TPD52L3: variants seen among roughly 807,000 people sequenced by gnomAD.
TPD52L3 encodes the protein TPD52 like 3.
A neutral mutation model predicts 8.7 loss-of-function variants in TPD52L3; 12 were observed. The ratio of observed to expected loss-of-function variants is 1.38; its 90% confidence interval spans 0.89 to 2.24. TPD52L3 has a LOEUF of 2.24. Among genes scored for constraint, TPD52L3 ranks in the 30% most tolerant of loss-of-function variants. The probability of loss-of-function intolerance (pLI) is 0.00; values close to 1 mark genes in which losing one functional copy is unlikely to be tolerated. For missense variants in TPD52L3, 207 were observed against 158.7 expected (o/e 1.30, Z -1.64); for synonymous variants, 79 against 66.8 (o/e 1.18, Z -0.89).
At chr9:6,330,750 C>A in intron 1 of TPD52L3, 1 of 1,300,942 alleles carries the variant, frequency 7.7e-7, no homozygotes, top group Non-Finnish European at 9.8e-7. Context: ...CTGCAGCATA[C>A]AAGAAATGAA....
chr9:6,330,389 C>A, intron 1 of TPD52L3: 1 of 1,418,482 alleles, frequency 7.0e-7, no homozygotes, highest in Admixed American at 3.0e-5. Flanking sequence ...AAGTTTGCAT[C>A]TTATTGGCTG....
intron 1 of TPD52L3, chr9:6,330,676 G>A (rs1164378136): frequency 1.1e-5 from 13 of 1,209,968 alleles, no homozygotes; most frequent in Admixed American, 4.2e-5. Context: ...TTGCATGTTC[G>A]ATTTTTAATT....
chr9:6,328,704 AC>A lies in TPD52L3; in HGVS notation c.110del (p.Thr37IlefsTer8), dbSNP rs771189838. The A allele has an allele frequency of 4.3e-6, 7 of 1,614,012 alleles. No homozygotes were observed. In the African/African-American group the frequency reaches 9.3e-5, roughly 22 times the overall value. On this transcript the variant is annotated frameshift_variant, in exon 1 of 2. Coordinates refer to ENST00000314556, the MANE Select transcript of TPD52L3 (RefSeq NM_001001874.3). LOFTEE classifies it high-confidence loss of function. ...GCAAAGAGAGCTCAAAACCAAACTC[AC>A]TAAATTGGAGGCTGAAATTGTAACC... is the stretch of plus-strand genomic sequence containing the variant. ...PEQRELKTKL[T>X]KLEAEIVTLR...
rs1049483732 is a variant in TPD52L3 at position 6,331,348 on chromosome 9, T to G, written c.*329T>G. 3 of 196,932 alleles carry G rather than the reference T, an allele frequency of 1.5e-5. No homozygotes were observed. Among genetic ancestry groups the G allele is most frequent in the Non-Finnish European group, 3.1e-5 (3 of 97,694 alleles). The allele number at this position is 196,932 out of a possible 1,614,324, so 12.2% of individuals were successfully genotyped here. ...AAGACTTTAGAGAGACAGAAAGTCT[T>G]AGAGGACTAGGAGAAGTTTGCCAGA... On this transcript the variant is annotated 3_prime_UTR_variant, in exon 2 of 2. Transcript: ENST00000314556.
Position 6,331,130 on chromosome 9 carries a change from A to T in TPD52L3, c.*111A>T. On this transcript the variant is annotated 3_prime_UTR_variant, in exon 2 of 2. Coordinates refer to ENST00000314556, the MANE Select transcript of TPD52L3 (RefSeq NM_001001874.3). ...AAAAATATCGTGTTTATTCAAAGCC[A>T]ATCTGAGACCCTACTCTGTATCAAG... 1 of 1,133,892 alleles carries T rather than the reference A, an allele frequency of 8.8e-7. No homozygotes were observed. The highest frequency in any genetic ancestry group is 1.3e-6 in the Non-Finnish European group (1 of 772,936). The allele number at this position is 1,133,892 out of a possible 1,614,324, so 70.2% of individuals were successfully genotyped here. A position where few individuals can be genotyped will look rare whatever the true frequency, so the allele number is the denominator to read the frequency against.
rs764590794 is a variant in TPD52L3, at chr9:6,331,139, C to A, written c.*120C>A. On this transcript the variant is annotated 3_prime_UTR_variant, in exon 2 of 2. Transcript: ENST00000314556. Reference sequence around the variant, plus strand: ...GTGTTTATTCAAAGCCAATCTGAGACCCTACTCTGTATCAAGAACTGTCCC... The same window carrying A: ...GTGTTTATTCAAAGCCAATCTGAGAACCTACTCTGTATCAAGAACTGTCCC... The A allele has an allele frequency of 2.5e-5, 26 of 1,048,774 alleles. No homozygotes were observed. Among genetic ancestry groups the A allele is most frequent in the Non-Finnish European group, 3.3e-5 (23 of 707,334 alleles). 65.0% of individuals were successfully genotyped at this position (1,048,774 alleles called of 1,614,324 possible). A position where few individuals can be genotyped will look rare whatever the true frequency, so the allele number is the denominator to read the frequency against.
chr9:6,330,452 A>G, intron 1 of TPD52L3: 2 of 1,326,238 alleles, frequency 1.5e-6, no homozygotes, highest in East Asian at 2.9e-5. Flanking sequence ...CTCACTGCCT[A>G]AAATGGTAAT....
At chr9:6,329,543 G>C in intron 1 of TPD52L3, 1 of 1,006,266 alleles carries the variant, frequency 9.9e-7, no homozygotes, top group African/African-American at 1.7e-5. Context: ...GCTTGAAAGA[G>C]GTATGAAGTA....
chr9:6,328,628 C>G lies in TPD52L3; in HGVS notation c.33C>G (p.Gly11=). The G allele has an allele frequency of 6.2e-7, 1 of 1,613,974 alleles. No homozygotes were observed. Among genetic ancestry groups the G allele is most frequent in the Non-Finnish European group, 8.5e-7 (1 of 1,180,032 alleles). ...ATGCCAGGACAGAGACCTCTGTGGG[C>G]ACATATGAATCCCACTCGACTTCTG... MPHARTETSV[G]TYESHSTSEL... The change falls in exon 1 of 2, where the codon GGC becomes GGG. Residue 11 remains glycine, a synonymous_variant. Coordinates refer to ENST00000314556, the MANE Select transcript of TPD52L3 (RefSeq NM_001001874.3).
intron 1 of TPD52L3, chr9:6,330,296 TTTTG>T: frequency 6.3e-7 from 1 of 1,577,928 alleles, no homozygotes; most frequent in Non-Finnish European, 8.6e-7. Flanking sequence ...CGAATATACT[TTTTG>T]TTTGTTTTCC....
chr9:6,329,567 T>C (rs1337487281), intron 1 of TPD52L3: 13 of 1,002,126 alleles, frequency 1.3e-5, no homozygotes, highest in Non-Finnish European at 1.4e-5. Context: ...TGTAGTGTTT[T>C]TTTGGTTTGT....
chr9:6,329,302 C>T (rs888387479), intron 1 of TPD52L3: 22 of 1,214,642 alleles, frequency 1.8e-5, no homozygotes, highest in Non-Finnish European at 2.2e-5. Flanking sequence ...TTGACAGAAT[C>T]CAGTTTTGAG....
Position 6,328,887 on chromosome 9 carries a change from C to T in TPD52L3, c.292C>T (p.Leu98=). The change falls in exon 1 of 2, where the codon CTG becomes TTG. Residue 98 remains leucine, a synonymous_variant. Transcript: ENST00000314556. Reference sequence around the variant, plus strand: ...TGTGAAACAGAAGACATCAGCTGCTCTGTCCACCATGGGCACTCTCATCTG... The same window carrying T: ...TGTGAAACAGAAGACATCAGCTGCTTTGTCCACCATGGGCACTCTCATCTG... ...TYVKQKTSAA[L]STMGTLICRK... 1.2e-6 allele frequency: 2 copies of T among 1,614,230 alleles called. No homozygotes were observed.
At position 6,328,609 on chromosome 9, in the gene TPD52L3, G is replaced by A. The variant is rs769975158; in HGVS notation, c.14G>A (p.Arg5Lys). The change falls in exon 1 of 2, where the codon AGG (arginine) becomes AAG (lysine). Residue 5 changes from arginine to lysine, a missense_variant. Coordinates refer to ENST00000314556, the MANE Select transcript of TPD52L3 (RefSeq NM_001001874.3). MPHARTETSVGTYES... is the reference protein window; with the variant it reads MPHAKTETSVGTYES... Reference sequence around the variant, plus strand: ...CTTTCCCAGTCCATGCCACATGCCAGGACAGAGACCTCTGTGGGCACATAT... The same window carrying A: ...CTTTCCCAGTCCATGCCACATGCCAAGACAGAGACCTCTGTGGGCACATAT... 5 of 1,613,618 alleles carry A rather than the reference G, an allele frequency of 3.1e-6. No individual in the cohort carries two copies. Among genetic ancestry groups the A allele is most frequent in the Non-Finnish European group, 4.2e-6 (5 of 1,180,018 alleles).
In TPD52L3 at chr9:6,331,562, G is replaced by C. The variant is rs559124909; in HGVS notation, c.*543G>C. On this transcript the variant is annotated 3_prime_UTR_variant, in exon 2 of 2. Transcript: ENST00000314556. ...TAAGCAGGGGGCAAAATCATAAGTA[G>C]TCTTACATACTACATTAGATATCAA... 6.6e-6 allele frequency: 1 copy of C among 152,164 alleles called. No individual in the cohort carries two copies. Among genetic ancestry groups the C allele is most frequent in the African/African-American group, 2.4e-5 (1 of 41,406 alleles). The allele number at this position is 152,164 out of a possible 1,614,324, so 9.4% of individuals were successfully genotyped here.
Position 6,328,876 on chromosome 9 carries a change from C to T in TPD52L3, c.281C>T (p.Thr94Ile), listed in dbSNP as rs1233570130. 6.2e-7 allele frequency: 1 copy of T among 1,614,192 alleles called. No individual in the cohort carries two copies. The highest frequency in any genetic ancestry group is 1.7e-5 in the Admixed American group (1 of 60,032). Residue 94 changes from threonine to isoleucine, a missense_variant, in exon 1 of 2, where the codon ACA becomes ATA. By Grantham distance (89) the Thr-to-Ile change is moderately conservative. Coordinates refer to ENST00000314556, the MANE Select transcript of TPD52L3 (RefSeq NM_001001874.3). ...QVSNTYVKQK[T>I]SAALSTMGTL... Reference sequence around the variant, plus strand: ...TCCAACACCTATGTGAAACAGAAGACATCAGCTGCTCTGTCCACCATGGGC... The same window carrying T: ...TCCAACACCTATGTGAAACAGAAGATATCAGCTGCTCTGTCCACCATGGGC...
rs1261356245 is a variant in TPD52L3 at position 6,331,066 on chromosome 9, C to A, written c.*47C>A. 6.3e-7 allele frequency: 1 copy of A among 1,575,736 alleles called. No individual in the cohort carries two copies. Among genetic ancestry groups the A allele is most frequent in the Non-Finnish European group, 8.7e-7 (1 of 1,155,510 alleles). ...AATATGGAATCCAAGAGACTATCAA[C>A]AACATGAACTTGTTCACAAGTTCCT... is the stretch of plus-strand genomic sequence containing the variant. On this transcript the variant is annotated 3_prime_UTR_variant, in exon 2 of 2. Transcript: ENST00000314556.
chr9:6,330,348 T>G, intron 1 of TPD52L3: 1 of 1,496,438 alleles, frequency 6.7e-7, no homozygotes, highest in East Asian at 2.5e-5. Flanking sequence ...GGGAGCCTCT[T>G]TCACTCCTCT....
chr9:6,330,900 T>A (rs1818138897), intron 1 of TPD52L3, 76 bp from the exon 2 acceptor site: 2 of 1,581,892 alleles, frequency 1.3e-6, no homozygotes, highest in Non-Finnish European at 1.7e-6. Flanking sequence ...GTTTCCCCAA[T>A]AAATTCTCAA....
Sources: gnomAD v4.1 joint callset for allele counts on GRCh38, gnomAD v4.1.1 for gene constraint, MANE v1.5 for transcripts, NCBI Gene and HGNC (gene_info 2026-07-23, HGNC 2026-07-21) for gene names.